Variants in SLC22A15 observed in about 807,000 individuals in gnomAD.
SLC22A15 encodes the protein flipt 1.
SLC22A15 carries 45 observed loss-of-function variants against 62.7 expected under a neutral mutation model. The observed-to-expected ratio is 0.72, with a 90% CI of 0.56 to 0.92. SLC22A15 has a LOEUF of 0.92. Among genes scored for constraint, SLC22A15 ranks in the 40% least tolerant of loss-of-function variants. The pLI is 0.00. For missense variants in SLC22A15, 622 were observed against 665.6 expected, an observed-to-expected ratio of 0.93 and a Z score of 0.72; for synonymous variants, 264 against 267.0, an observed-to-expected ratio of 0.99 and a Z score of 0.11.
intron 8 of SLC22A15, among the ~76,000 whole-genome samples, chr1:116,045,338 C>G (rs1042446639): frequency 1.3e-5 from 2 of 151,932 alleles, no homozygotes; most frequent in Non-Finnish European, 1.5e-5. Context: ...TGAGCCACCA[C>G]GCCTGGCCAA....
At chr1:116,043,725 A>G (rs547237798) in intron 8 of SLC22A15, among the ~76,000 whole-genome samples, 2 of 152,310 alleles carry the variant, frequency 1.3e-5, no homozygotes, top group African/African-American at 4.8e-5. Flanking sequence ...CCAAGATAAT[A>G]AAGAGAAAAG....
chr1:116,024,130 C>T (rs185975470), intron 4 of SLC22A15, among the ~76,000 whole-genome samples: 53 of 152,236 alleles, frequency 3.5e-4, no homozygotes, highest in Non-Finnish European at 4.1e-4. Flanking sequence ...ATTGAGGGAT[C>T]ATTTAGTAGG....
At chr1:115,991,649 T>G (rs1021006809) in intron 1 of SLC22A15, among the ~76,000 whole-genome samples, 2 of 152,190 alleles carry the variant, frequency 1.3e-5, no homozygotes, top group African/African-American at 4.8e-5. Context: ...CCTGAAGATA[T>G]AGTGTTGAAG....
intron 2 of SLC22A15, among the ~76,000 whole-genome samples, chr1:116,008,816 G>T (rs546243694): frequency 6.6e-6 from 1 of 152,240 alleles, no homozygotes; most frequent in East Asian, 1.9e-4. Flanking sequence ...GGCCACTGTG[G>T]CATGGGCCCA....
chr1:116,036,802 A>AT (rs1350860352), intron 7 of SLC22A15, among the ~76,000 whole-genome samples: 1 of 152,092 alleles, frequency 6.6e-6, no homozygotes, highest in Non-Finnish European at 1.5e-5. Flanking sequence ...CCACTGACAA[A>AT]TTTTTTTCTG....
chr1:116,016,114 T>TTCTCTCTTTTCTTCTCTCCTTCTC (rs1407561181), intron 2 of SLC22A15, among the ~76,000 whole-genome samples: 1 of 151,726 alleles, frequency 6.6e-6, no homozygotes, highest in Non-Finnish European at 1.5e-5. Context: ...CTCTCCTTCT[T>TTCTCTCTTTTCTTCTCTCCTTCTC]TCTCTCTTTT....
chr1:115,997,822 G>C (rs928178922), intron 2 of SLC22A15, among the ~76,000 whole-genome samples: 3 of 151,942 alleles, frequency 2.0e-5, no homozygotes, highest in Non-Finnish European at 4.4e-5. Context: ...AGGACTAACA[G>C]TACTAAGTTG....
At chr1:116,045,283 G>A (rs1320421960) in intron 8 of SLC22A15, among the ~76,000 whole-genome samples, 1 of 151,884 alleles carries the variant, frequency 6.6e-6, no homozygotes, top group African/African-American at 2.4e-5. Flanking sequence ...CTGATCTCAG[G>A]TGATCTGCCC....
chr1:116,023,146 A>G (rs1570741147), intron 4 of SLC22A15, among the ~76,000 whole-genome samples: 1 of 152,356 alleles, frequency 6.6e-6, no homozygotes, highest in Middle Eastern at 3.4e-3. Context: ...TATGCTTATT[A>G]CAAAATAATA....
intron 5 of SLC22A15, among the ~76,000 whole-genome samples, chr1:116,028,523 CTT>C (rs1177157642): frequency 3.0e-4 from 25 of 84,072 alleles, no homozygotes; most frequent in African/African-American, 7.5e-4. Context: ...AGCTGTTCTG[CTT>C]TTTTTTTTTT....
At chr1:116,051,004 T>C (rs1007655032) in intron 8 of SLC22A15, among the ~76,000 whole-genome samples, 4 of 152,014 alleles carry the variant, frequency 2.6e-5, no homozygotes, top group Admixed American at 2.0e-4. Context: ...CTTAGAAATA[T>C]ACCTAACCAA....
At position 116,019,832 on chromosome 1, in the gene SLC22A15, A is replaced by G. The variant is rs1002203384; in HGVS notation, c.433+118A>G. On this transcript the variant is annotated intron_variant, in intron 3 of 11. Transcript: ENST00000369503. The stretch of plus-strand genomic sequence containing the variant: ...TCCGGGAATTGGCATATGGACACAG[A>G]ACTGATCTTTATTATCCTGGCAAGA... 20 of 1,138,558 alleles carry G rather than the reference A, an allele frequency of 1.8e-5. No homozygotes were observed. In the Admixed American group the frequency reaches 6.2e-4, roughly 35 times the overall value. 70.5% of individuals were successfully genotyped at this position (1,138,558 alleles called of 1,614,324 possible).
intron 2 of SLC22A15, among the ~76,000 whole-genome samples, chr1:115,995,102 C>T (rs1309014569): frequency 6.6e-6 from 1 of 151,868 alleles, no homozygotes; most frequent in Non-Finnish European, 1.5e-5. Context: ...GTTTTGCATC[C>T]CAAGTCAGAA....
rs569224652 is a variant in SLC22A15, at chr1:116,047,558, T to C, written c.1171+10170T>C. Among the ~76,000 whole-genome samples, 99 of 152,228 alleles carry C rather than the reference T, an allele frequency of 6.5e-4. 1 individual carries two copies. The highest frequency in any genetic ancestry group is 2.3e-3 in the African/African-American group (97 of 41,524). On this transcript the variant is annotated intron_variant, in intron 8 of 11. Transcript: ENST00000369503. ...CCATAGACAGTTCACATCACAGGAC[T>C]CTATAGAGACAACCCCCAGTTCCAG...
At chr1:116,042,464 G>A (rs768050761) in intron 8 of SLC22A15, among the ~76,000 whole-genome samples, 33 of 151,874 alleles carry the variant, frequency 2.2e-4, no homozygotes, top group Non-Finnish European at 4.4e-4. Flanking sequence ...CAAAAAAATT[G>A]AATAAAAAAC....
chr1:115,977,256 T>A (rs1161124365), intron 1 of SLC22A15, among the ~76,000 whole-genome samples: 2 of 152,230 alleles, frequency 1.3e-5, no homozygotes, highest in African/African-American at 4.8e-5. Context: ...ATAGGATTTA[T>A]TTCCCTCTGG....
chr1:116,054,237 A>G (rs1187575195), intron 8 of SLC22A15, among the ~76,000 whole-genome samples: 3 of 152,058 alleles, frequency 2.0e-5, no homozygotes, highest in Non-Finnish European at 4.4e-5. Context: ...AAAACAAAAA[A>G]AGGCATGGGT....
chr1:116,027,041 T>TA lies in SLC22A15; in HGVS notation c.728+20dup. On this transcript the variant is annotated intron_variant, in intron 5 of 11. Transcript: ENST00000369503. ...TATCTTTGTAAGTAGTTTTTCCTCTTAGAGTTTTAATTTAAAAAGCCAAAG... is the reference window on the plus strand; with the variant it reads ...TATCTTTGTAAGTAGTTTTTCCTCTTAAGAGTTTTAATTTAAAAAGCCAAAG... 6.2e-7 allele frequency: 1 copy of TA among 1,610,914 alleles called. No individual in the cohort carries two copies. Among genetic ancestry groups the TA allele is most frequent in the South Asian group, 1.1e-5 (1 of 90,714 alleles).
intron 1 of SLC22A15, among the ~76,000 whole-genome samples, chr1:115,977,924 G>C (rs1654395867): frequency 6.6e-6 from 1 of 152,164 alleles, no homozygotes; most frequent in Non-Finnish European, 1.5e-5. Flanking sequence ...TCAAATGATG[G>C]AGTCAGTTCT....
Sources: gnomAD v4.1 joint callset for allele counts (sites outside exome capture counted in the v4.1 genomes callset) on GRCh38, gnomAD v4.1.1 for gene constraint, MANE v1.5 for transcripts, NCBI Gene and HGNC (gene_info 2026-07-23, HGNC 2026-07-21) for gene names.